FSTL5: variants seen among roughly 807,000 people sequenced by gnomAD.
FSTL5 encodes the protein follistatin like 5, also known as follistatin-related protein 5.
Under a neutral mutation model 89.1 loss-of-function variants are expected in FSTL5, and 62 were observed. The observed-to-expected ratio is 0.70, with a 90% CI of 0.57 to 0.86. FSTL5 has a LOEUF of 0.86. Among genes scored for constraint, FSTL5 ranks in the 40% least tolerant of loss-of-function variants. The probability of loss-of-function intolerance (pLI) is 0.00; values close to 1 mark genes in which losing one functional copy is unlikely to be tolerated. For synonymous variants in FSTL5, 383 were observed against 346.2 expected (o/e 1.11, Z -1.18); for missense variants, 1,057 against 1,001.6 (o/e 1.06, Z -0.75).
intron 15 of FSTL5, among the ~76,000 whole-genome samples, chr4:161,443,918 C>G (rs1283002274): frequency 6.6e-6 from 1 of 151,666 alleles, no homozygotes; most frequent in African/African-American, 2.4e-5. Flanking sequence ...AAGGAGGGAG[C>G]TTCAATGTAG....
At chr4:161,398,013 T>A (rs1168630700) in intron 15 of FSTL5, among the ~76,000 whole-genome samples, 3 of 152,050 alleles carry the variant, frequency 2.0e-5, no homozygotes, top group Non-Finnish European at 4.4e-5. Context: ...GATCCAAGAC[T>A]GCTAAGGAAG....
At chr4:161,453,068 A>C (rs1274353287) in intron 15 of FSTL5, among the ~76,000 whole-genome samples, 1 of 152,182 alleles carries the variant, frequency 6.6e-6, no homozygotes, top group Admixed American at 6.5e-5. Flanking sequence ...AATAGCACTT[A>C]CTGCATGCCA....
rs184677473 is a variant in FSTL5, at chr4:161,533,589, A to G, written c.1312+4577T>C. 5.3e-3 allele frequency among the ~76,000 whole-genome samples: 806 copies of G among 152,244 alleles called. 4 individuals carry two copies. Among genetic ancestry groups the G allele is most frequent in the Middle Eastern group, 0.027 (8 of 294 alleles). ...TGAGTAAGTAAGTAATACAAAATGT[A>G]CCGACCAAAAAGAGCCTTGGACCAG... On this transcript the variant is annotated intron_variant, in intron 10 of 15. Transcript: ENST00000306100.
At chr4:161,699,759 A>AT (rs1160504670) in intron 6 of FSTL5, among the ~76,000 whole-genome samples, 4 of 151,942 alleles carry the variant, frequency 2.6e-5, no homozygotes, top group African/African-American at 4.8e-5. Flanking sequence ...GTTACCACGT[A>AT]TTTTTTTTGT....
At chr4:161,898,830 C>T (rs1282680230) in intron 4 of FSTL5, among the ~76,000 whole-genome samples, 2 of 151,904 alleles carry the variant, frequency 1.3e-5, no homozygotes, top group South Asian at 2.1e-4. Context: ...GGGGTTTCAC[C>T]GTGTTAGCCA....
rs72973165 is a variant in FSTL5 at position 161,424,841 on chromosome 4, C to G, written c.1841+30163G>C. ...GGAAGTAGATTGATCTAAAAACAAA[C>G]CAGTTGTTTTGAAATCAGAGTCAGC... On this transcript the variant is annotated intron_variant, in intron 15 of 15. Transcript: ENST00000306100. 2.2e-3 allele frequency among the ~76,000 whole-genome samples: 332 copies of G among 152,288 alleles called. 1 individual carries two copies. Among genetic ancestry groups the G allele is most frequent in the African/African-American group, 7.7e-3 (319 of 41,566 alleles).
At chr4:161,429,685 G>A (rs1265445566) in intron 15 of FSTL5, among the ~76,000 whole-genome samples, 1 of 152,150 alleles carries the variant, frequency 6.6e-6, no homozygotes, top group African/African-American at 2.4e-5. Flanking sequence ...TGGCTGCAGA[G>A]AACAAAAACT....
At chr4:161,437,638 G>C (rs943057218) in intron 15 of FSTL5, among the ~76,000 whole-genome samples, 3 of 148,686 alleles carry the variant, frequency 2.0e-5, no homozygotes, top group African/African-American at 7.5e-5. Context: ...CTTTTAAAGA[G>C]AATGGACACT....
At chr4:162,066,005 C>T (rs1738882837) in intron 2 of FSTL5, among the ~76,000 whole-genome samples, 1 of 151,898 alleles carries the variant, frequency 6.6e-6, no homozygotes, top group Admixed American at 6.6e-5. Context: ...GTTTTATAGG[C>T]AGCATATTAT....
intron 15 of FSTL5, among the ~76,000 whole-genome samples, chr4:161,399,559 CT>C (rs142934313): frequency 0.031 from 4,696 of 151,534 alleles, 238 homozygotes; most frequent in African/African-American, 0.11. Flanking sequence ...AGCCAACCAA[CT>C]TTTTTTTTCA....
intron 4 of FSTL5, among the ~76,000 whole-genome samples, chr4:161,835,138 A>T (rs371342471): frequency 1.3e-5 from 2 of 149,648 alleles, no homozygotes; most frequent in East Asian, 3.9e-4. Context: ...GAGCCCTCAG[A>T]AATAACGCTG....
intron 14 of FSTL5, among the ~76,000 whole-genome samples, chr4:161,457,792 C>T (rs751241252): frequency 2.0e-5 from 3 of 151,924 alleles, no homozygotes; most frequent in Non-Finnish European, 4.4e-5. Context: ...TACTTAAATA[C>T]AAAATCTCAA....
intron 4 of FSTL5, among the ~76,000 whole-genome samples, chr4:161,798,304 A>T (rs1982119): frequency 0.74 from 111,797 of 151,320 alleles, 41,313 homozygotes; most frequent in Admixed American, 0.76. Context: ...CCCTGTTCCA[A>T]AAAAACATAC....
intron 10 of FSTL5, among the ~76,000 whole-genome samples, chr4:161,512,294 C>T (rs957935626): frequency 1.6e-4 from 24 of 152,044 alleles, no homozygotes; most frequent in African/African-American, 5.3e-4. Context: ...ATGTATTCAG[C>T]ACTCACATAC....
rs1730552846 is a variant in FSTL5, at chr4:161,384,692, AC to A, written c.*1054del. On this transcript the variant is annotated 3_prime_UTR_variant, in exon 16 of 16. Coordinates refer to ENST00000306100, the MANE Select transcript of FSTL5 (RefSeq NM_020116.5). ...CATTTTTACTTACCACTGTCGGGCT[AC>A]CCCTTTATTCCCAACTTATATTACT... The A allele has an allele frequency of 6.6e-6, 1 of 152,230 alleles. No homozygotes were observed. The highest frequency in any genetic ancestry group is 1.9e-4 in the East Asian group (1 of 5,174). The allele number at this position is 152,230 out of a possible 1,614,324, so 9.4% of individuals were successfully genotyped here. A position where few individuals can be genotyped will look rare whatever the true frequency, so the allele number is the denominator to read the frequency against.
intron 4 of FSTL5, among the ~76,000 whole-genome samples, chr4:161,798,274 T>G (rs1486187383): frequency 6.6e-6 from 1 of 151,562 alleles, no homozygotes; most frequent in African/African-American, 2.4e-5. Context: ...TCATTGTAAC[T>G]TACAAATTCT....
At chr4:161,704,780 G>A (rs975709585) in intron 6 of FSTL5, among the ~76,000 whole-genome samples, 2 of 152,066 alleles carry the variant, frequency 1.3e-5, no homozygotes, top group African/African-American at 4.8e-5. Flanking sequence ...AGAAGGGACT[G>A]TTAATACTGA....
intron 12 of FSTL5, 26 bp from the exon 13 acceptor site, chr4:161,481,195 A>T: frequency 6.4e-7 from 1 of 1,571,398 alleles, no homozygotes; most frequent in South Asian, 1.2e-5. Flanking sequence ...GAGAAAATGA[A>T]ATTTATACCT....
intron 6 of FSTL5, among the ~76,000 whole-genome samples, chr4:161,709,448 TGAGA>T (rs1198509314): frequency 1.3e-5 from 2 of 152,154 alleles, no homozygotes; most frequent in Non-Finnish European, 2.9e-5. Context: ...AAAAATCAAC[TGAGA>T]GATACAATAA....
Sources: gnomAD v4.1 joint callset for allele counts (sites outside exome capture counted in the v4.1 genomes callset) on GRCh38, gnomAD v4.1.1 for gene constraint, MANE v1.5 for transcripts, NCBI Gene and HGNC (gene_info 2026-07-23, HGNC 2026-07-21) for gene names.